LIMK2: variants seen among roughly 807,000 people sequenced by gnomAD.
LIMK2 encodes LIM domain kinase 2.
A neutral mutation model predicts 75.7 loss-of-function variants in LIMK2; 35 were observed. That is an observed-to-expected ratio of 0.46 (90% CI 0.35 to 0.61). The LOEUF (loss-of-function observed/expected upper bound fraction) is 0.61, where lower values mean the gene tolerates loss of function less well. Ranked by LOEUF, LIMK2 falls within the 20% of genes least tolerant of loss-of-function variation. LIMK2 has a pLI of 0.00. For synonymous variants in LIMK2, 301 were observed against 319.2 expected, an observed-to-expected ratio of 0.94 and a Z score of 0.61; for missense variants, 623 against 831.0, an observed-to-expected ratio of 0.75 and a Z score of 3.08.
rs1178480515 is a variant in LIMK2 at position 31,279,335 on chromosome 22, G to A, written c.*894G>A. 6.6e-6 allele frequency: 1 copy of A among 152,252 alleles called. No individual in the cohort carries two copies. Among genetic ancestry groups the A allele is most frequent in the African/African-American group, 2.4e-5 (1 of 41,444 alleles). 9.4% of individuals were successfully genotyped at this position (152,252 alleles called of 1,614,324 possible). A position where few individuals can be genotyped will look rare whatever the true frequency, so the allele number is the denominator to read the frequency against. ...GCCTAAAGCTCGATGGGTTCTGGAG[G>A]ACAGTGTGGCTTGTCACAGGCCTAG... is the stretch of plus-strand genomic sequence containing the variant. On this transcript the variant is annotated 3_prime_UTR_variant, in exon 16 of 16. Transcript: ENST00000331728.
At position 31,278,642 on chromosome 22, in the gene LIMK2, A is replaced by G. The variant is rs187476917; in HGVS notation, c.*201A>G. 1 of 457,386 alleles carries G rather than the reference A, an allele frequency of 2.2e-6. No homozygotes were observed. Among genetic ancestry groups the G allele is most frequent in the East Asian group, 3.5e-5 (1 of 28,892 alleles). 28.3% of individuals were successfully genotyped at this position (457,386 alleles called of 1,614,324 possible). ...TGTATCTCCACAGGTTCTGGGGCCT[A>G]GTTACTGTCTGTAAATCCAATACTT... On this transcript the variant is annotated 3_prime_UTR_variant, in exon 16 of 16. Transcript: ENST00000331728.
In LIMK2 at chr22:31,274,550, G is replaced by A. The variant is rs181051473; in HGVS notation, c.1615-601G>A. 8.0e-4 allele frequency among the ~76,000 whole-genome samples: 122 copies of A among 152,020 alleles called. 1 individual carries two copies. Among genetic ancestry groups the A allele is most frequent in the Non-Finnish European group, 1.5e-3 (102 of 67,972 alleles). On this transcript the variant is annotated intron_variant, in intron 14 of 15. Coordinates refer to ENST00000331728, the MANE Select transcript of LIMK2 (RefSeq NM_005569.4). ...CAAGTAGCTGGGACTACAGGTGTGC[G>A]CCACCACGCCTGGCTAATTTTTGTA...
intron 2 of LIMK2, chr22:31,248,355 G>T (rs1042234818): frequency 2.4e-6 from 3 of 1,257,428 alleles, no homozygotes; most frequent in South Asian, 1.4e-5. Context: ...GAAGAAGAAG[G>T]CTAACTTGAC....
chr22:31,271,209 C>T lies in LIMK2; in HGVS notation c.1383+8C>T, dbSNP rs1239477613. The T allele has an allele frequency of 5.6e-6, 9 of 1,612,902 alleles. No individual in the cohort carries two copies. Among genetic ancestry groups the T allele is most frequent in the Non-Finnish European group, 6.8e-6 (8 of 1,178,936 alleles). ...AACTGCCTCATCAAGTTGGTATGTC[C>T]CACTGCTCTGGGCCTGGCCTCCAGG... is the stretch of plus-strand genomic sequence containing the variant. On this transcript the variant is annotated splice_region_variant and intron_variant, in intron 12 of 15. Coordinates refer to ENST00000331728, the MANE Select transcript of LIMK2 (RefSeq NM_005569.4).
chr22:31,261,885 G>A (rs898536518), intron 5 of LIMK2, among the ~76,000 whole-genome samples: 1 of 152,244 alleles, frequency 6.6e-6, no homozygotes, highest in Non-Finnish European at 1.5e-5. Flanking sequence ...GATGGGAGTA[G>A]GAGAGATGAG....
intron 1 of LIMK2, among the ~76,000 whole-genome samples, chr22:31,220,666 G>A (rs2048425693): frequency 6.6e-6 from 1 of 152,122 alleles, no homozygotes; most frequent in African/African-American, 2.4e-5. Flanking sequence ...AGAAAGGATA[G>A]AAATTTGATT....
intron 2 of LIMK2, among the ~76,000 whole-genome samples, chr22:31,242,162 TAA>T (rs2123802327): frequency 6.6e-6 from 1 of 152,314 alleles, no homozygotes; most frequent in African/African-American, 2.4e-5. Flanking sequence ...AAATCCAAGA[TAA>T]GGTCTCATGA....
At chr22:31,267,669 A>C in intron 9 of LIMK2, 107 bp from the exon 10 acceptor site, 5 of 1,191,176 alleles carry the variant, frequency 4.2e-6, no homozygotes, top group Non-Finnish European at 5.9e-6. Context: ...GATAGGAGGT[A>C]GGAGATACAG....
intron 15 of LIMK2, chr22:31,277,145 C>T (rs1396553482): frequency 1.1e-5 from 17 of 1,613,470 alleles, no homozygotes; most frequent in East Asian, 8.9e-5. Context: ...AAGTGAGGGT[C>T]CCCGACCCAG....
intron 1 of LIMK2, among the ~76,000 whole-genome samples, chr22:31,219,007 A>G (rs1203841414): frequency 1.3e-5 from 2 of 152,230 alleles, no homozygotes; most frequent in Non-Finnish European, 2.9e-5. Flanking sequence ...AAGCTCTTAG[A>G]CCAAATTTAA....
At chr22:31,270,863 AGAG>A (rs2048949549) in intron 11 of LIMK2, among the ~76,000 whole-genome samples, 1 of 152,108 alleles carries the variant, frequency 6.6e-6, no homozygotes, top group Non-Finnish European at 1.5e-5. Flanking sequence ...ACATTAGGAG[AGAG>A]CTGTGAGGGC....
Position 31,272,667 on chromosome 22 carries a change from G to GAA in LIMK2, c.1521_1522insAA (p.Gly508LysfsTer12). On this transcript the variant is annotated frameshift_variant, in exon 13 of 16. Coordinates refer to ENST00000331728, the MANE Select transcript of LIMK2 (RefSeq NM_005569.4). LOFTEE classifies it high-confidence loss of function. ...ACCGCAAGAAGCGCTACACGGTGGT[G>GAA]GGAAACCCCTACTGGATGGCCCCTG... is the stretch of plus-strand genomic sequence containing the variant. 6.2e-7 allele frequency: 1 copy of GAA among 1,613,032 alleles called. No homozygotes were observed. Among genetic ancestry groups the GAA allele is most frequent in the Non-Finnish European group, 8.5e-7 (1 of 1,179,580 alleles).
intron 2 of LIMK2, among the ~76,000 whole-genome samples, chr22:31,240,155 A>G (rs1350467073): frequency 2.0e-5 from 3 of 152,134 alleles, no homozygotes; most frequent in African/African-American, 7.2e-5. Context: ...ACTGCTTACG[A>G]TTACAAAAAA....
chr22:31,275,618 T>TCGAG, intron 15 of LIMK2: 1 of 252,888 alleles, frequency 4.0e-6, no homozygotes, highest in Non-Finnish European at 7.4e-6. Context: ...CCCCTGTCCA[T>TCGAG]ATCTACACAT....
In LIMK2 at chr22:31,252,033, CAT is replaced by C. The variant is rs572777372; in HGVS notation, c.117-6257_117-6256del. ...GGACATGGGAGGGCTTATGCTTTAACATGTGTAAATCCACTGCAATAATGACT... is the reference window on the plus strand; with the variant it reads ...GGACATGGGAGGGCTTATGCTTTAACGTGTAAATCCACTGCAATAATGACT... On this transcript the variant is annotated intron_variant, in intron 2 of 15. Transcript: ENST00000331728. Among the ~76,000 whole-genome samples the C allele has an allele frequency of 1.1e-4, 16 of 152,354 alleles. No homozygotes were observed. In the East Asian group the frequency reaches 3.1e-3, roughly 29 times the overall value.
chr22:31,221,235 T>C (rs996942107), intron 1 of LIMK2, among the ~76,000 whole-genome samples: 13 of 152,140 alleles, frequency 8.5e-5, no homozygotes, highest in Non-Finnish European at 2.9e-5. Flanking sequence ...TGCTAGCCCT[T>C]TGGAGGTAGC....
intron 2 of LIMK2, among the ~76,000 whole-genome samples, chr22:31,240,478 C>T (rs1317758901): frequency 6.7e-6 from 1 of 149,578 alleles, no homozygotes; most frequent in Non-Finnish European, 1.5e-5. Context: ...GGCTGGAGTG[C>T]AGTGGCACAA....
intron 2 of LIMK2, among the ~76,000 whole-genome samples, chr22:31,255,487 G>T (rs1431041473): frequency 6.6e-6 from 1 of 152,154 alleles, no homozygotes; most frequent in Non-Finnish European, 1.5e-5. Flanking sequence ...GCACCCAGGA[G>T]GAATTGGGCA....
At chr22:31,258,918 A>T (rs1243818934) in intron 3 of LIMK2, 1 of 527,024 alleles carries the variant, frequency 1.9e-6, no homozygotes, top group African/African-American at 1.9e-5. Context: ...AACTGAGACC[A>T]AAACAGTTTT....
Sources: gnomAD v4.1 joint callset for allele counts (sites outside exome capture counted in the v4.1 genomes callset) on GRCh38, gnomAD v4.1.1 for gene constraint, MANE v1.5 for transcripts, NCBI Gene and HGNC (gene_info 2026-07-23, HGNC 2026-07-21) for gene names.